Variants in BCHE observed in about 807,000 individuals in gnomAD.
BCHE encodes cholinesterase.
In BCHE, 48 loss-of-function variants were observed where a neutral mutation model predicts 51.3. The observed-to-expected ratio is 0.94, with a 90% CI of 0.74 to 1.19. The LOEUF (loss-of-function observed/expected upper bound fraction) is 1.19, where lower values mean the gene tolerates loss of function less well. BCHE is among the 50% of genes most tolerant of loss of function. The probability of loss-of-function intolerance (pLI) is 0.00; values close to 1 mark genes in which losing one functional copy is unlikely to be tolerated. For synonymous variants in BCHE, 251 were observed against 238.0 expected (o/e 1.05, Z -0.50); for missense variants, 847 against 708.2 (o/e 1.20, Z -2.23).
intron 2 of BCHE, among the ~76,000 whole-genome samples, chr3:165,804,888 A>G (rs1713815555): frequency 6.6e-6 from 1 of 152,224 alleles, no homozygotes; most frequent in Non-Finnish European, 1.5e-5. Context: ...ATTTAAACAT[A>G]AACAAGGTTG....
rs372501615 is a variant in BCHE, at chr3:165,791,845, G to C, written c.1518-5534C>G. ...TGCCTGTGATCCCAGCTACTCGGGA[G>C]GCTGAGGCAGGAGAATGGCTTGAAC... On this transcript the variant is annotated intron_variant, in intron 2 of 3. Transcript: ENST00000264381. 9.9e-5 allele frequency among the ~76,000 whole-genome samples: 15 copies of C among 152,184 alleles called. No homozygotes were observed. The East Asian group carries it at 1.4e-3, about 14-fold the overall frequency.
chr3:165,804,248 T>A (rs1445508242), intron 2 of BCHE, among the ~76,000 whole-genome samples: 1 of 152,114 alleles, frequency 6.6e-6, no homozygotes, highest in African/African-American at 2.4e-5. Flanking sequence ...ATAGTTTAAA[T>A]ATAGAATGAG....
chr3:165,825,727 G>A (rs554097220), intron 2 of BCHE, among the ~76,000 whole-genome samples: 27 of 151,674 alleles, frequency 1.8e-4, no homozygotes, highest in Middle Eastern at 3.4e-3. Flanking sequence ...AACAGGCCCC[G>A]GTGTGTGATG....
intron 2 of BCHE, among the ~76,000 whole-genome samples, chr3:165,827,661 C>T (rs957399333): frequency 6.6e-6 from 1 of 151,768 alleles, no homozygotes; most frequent in Non-Finnish European, 1.5e-5. Context: ...CAAAAATCAT[C>T]CTTAAATCCT....
chr3:165,808,070 G>T (rs572873782), intron 2 of BCHE, among the ~76,000 whole-genome samples: 1 of 151,906 alleles, frequency 6.6e-6, no homozygotes, highest in East Asian at 2.0e-4. Context: ...TGCAAACTCC[G>T]CCTCAAGAGT....
At chr3:165,803,547 A>G (rs1358564063) in intron 2 of BCHE, among the ~76,000 whole-genome samples, 1 of 152,236 alleles carries the variant, frequency 6.6e-6, no homozygotes, top group Non-Finnish European at 1.5e-5. Flanking sequence ...TATATTTCTT[A>G]CTATTCTAAA....
intron 2 of BCHE, among the ~76,000 whole-genome samples, chr3:165,814,321 T>A (rs1714223444): frequency 6.6e-6 from 1 of 152,094 alleles, no homozygotes; most frequent in Admixed American, 6.6e-5. Context: ...ATTCTCCAGA[T>A]GTTACCATTT....
At chr3:165,808,679 G>C (rs1011521859) in intron 2 of BCHE, among the ~76,000 whole-genome samples, 2 of 152,010 alleles carry the variant, frequency 1.3e-5, no homozygotes, top group African/African-American at 4.8e-5. Context: ...TGAGAGGATT[G>C]TTTGAGCTCT....
At chr3:165,807,248 G>A (rs1576854565) in intron 2 of BCHE, among the ~76,000 whole-genome samples, 2 of 151,708 alleles carry the variant, frequency 1.3e-5, no homozygotes, top group East Asian at 3.9e-4. Context: ...TATAATGTTT[G>A]TCTACCTTTC....
At chr3:165,814,380 C>G (rs1714225149) in intron 2 of BCHE, among the ~76,000 whole-genome samples, 1 of 151,946 alleles carries the variant, frequency 6.6e-6, no homozygotes, top group South Asian at 2.1e-4. Context: ...AAAATAAATG[C>G]AAATACATAG....
At chr3:165,836,178 G>A (rs1715183423) in intron 1 of BCHE, among the ~76,000 whole-genome samples, 1 of 151,770 alleles carries the variant, frequency 6.6e-6, no homozygotes. Flanking sequence ...ACAGAACTTT[G>A]ATAACCCAAT....
rs773199170 is a variant in BCHE, at chr3:165,830,254, C to T, written c.780G>A (p.Ala260=). The part of the protein sequence containing the change: ...LQSGSFNAPW[A]VTSLYEARNR... The stretch of plus-strand genomic sequence containing the variant: ...TCCTAGCTTCATAAAGAGATGTTAC[C>T]GCCCAAGGAGCATTAAAGGATCCAC... Residue 260 remains alanine (A), a synonymous_variant, in exon 2 of 4, where the codon GCG becomes GCA. Transcript: ENST00000264381. 49 of 1,613,782 alleles carry T rather than the reference C, an allele frequency of 3.0e-5. No homozygotes were observed. In the Admixed American group the frequency reaches 5.8e-4, roughly 19 times the overall value.
rs1463777391 is a variant in BCHE at position 165,830,239 on chromosome 3, A to G, written c.795T>C (p.Tyr265=). The change falls in exon 2 of 4, where the codon TAT becomes TAC. Residue 265 remains tyrosine, a synonymous_variant. Coordinates refer to ENST00000264381, the MANE Select transcript of BCHE (RefSeq NM_000055.4). ...FNAPWAVTSL[Y]EARNRTLNLA... ...AGTTCAACGTTCTGTTCCTAGCTTC[A>G]TAAAGAGATGTTACCGCCCAAGGAG... 1 of 1,614,066 alleles carries G rather than the reference A, an allele frequency of 6.2e-7. No homozygotes were observed. Among genetic ancestry groups the G allele is most frequent in the South Asian group, 1.1e-5 (1 of 91,086 alleles).
In BCHE at chr3:165,773,285, C is replaced by A; in HGVS notation, c.*97G>T. 1 of 1,196,770 alleles carries A rather than the reference C, an allele frequency of 8.4e-7. No homozygotes were observed. Among genetic ancestry groups the A allele is most frequent in the East Asian group, 2.5e-5 (1 of 39,916 alleles). The allele number at this position is 1,196,770 out of a possible 1,614,324, so 74.1% of individuals were successfully genotyped here. On this transcript the variant is annotated 3_prime_UTR_variant, in exon 4 of 4. Transcript: ENST00000264381. ...TATCCTTCTGGCATTTTTGTTTCAG[C>A]TACATAATAACTTTTTTAGTAGGTG... is the stretch of plus-strand genomic sequence containing the variant.
intron 1 of BCHE, among the ~76,000 whole-genome samples, chr3:165,832,828 A>T (rs1174130498): frequency 6.6e-6 from 1 of 152,144 alleles, no homozygotes; most frequent in East Asian, 1.9e-4. Context: ...AAAGAAAGAG[A>T]ATAAATAACT....
intron 2 of BCHE, among the ~76,000 whole-genome samples, chr3:165,806,104 A>G (rs1466674822): frequency 6.6e-6 from 1 of 152,040 alleles, no homozygotes; most frequent in Non-Finnish European, 1.5e-5. Flanking sequence ...TGATTTTTCT[A>G]AAATTCAAAT....
chr3:165,834,337 G>A (rs1365432501), intron 1 of BCHE, among the ~76,000 whole-genome samples: 1 of 151,924 alleles, frequency 6.6e-6, no homozygotes, highest in African/African-American at 2.4e-5. Flanking sequence ...TGATATCTGA[G>A]TTATCAACTT....
intron 3 of BCHE, among the ~76,000 whole-genome samples, chr3:165,781,235 G>C (rs549910088): frequency 1.3e-5 from 2 of 152,084 alleles, no homozygotes; most frequent in East Asian, 3.9e-4. Context: ...TAGGCAACAA[G>C]AGTGAAACTT....
In BCHE at chr3:165,830,748, T is replaced by G. The variant is rs1322846246; in HGVS notation, c.286A>C (p.Asn96His). The change falls in exon 2 of 4, where the codon AAC becomes CAC. Residue 96 changes from asparagine to histidine, a missense_variant. Asn to His is a moderately conservative substitution (Grantham distance 68). Transcript: ENST00000264381. ...ATKYANSCCQNIDQSFPGFHG... is the reference protein window; with the variant it reads ...ATKYANSCCQHIDQSFPGFHG... ...AAGCCTGGAAAACTTTGATCTATGT[T>G]CTGACAGCAAGAATTTGCATATTTT... 1 of 1,613,892 alleles carries G rather than the reference T, an allele frequency of 6.2e-7. No homozygotes were observed. Among genetic ancestry groups the G allele is most frequent in the Non-Finnish European group, 8.5e-7 (1 of 1,179,910 alleles).
Sources: allele counts gnomAD v4.1 joint callset (sites outside exome capture counted in the v4.1 genomes callset), GRCh38; gene constraint gnomAD v4.1.1; transcripts MANE v1.5; gene names NCBI Gene and HGNC (gene_info 2026-07-23, HGNC 2026-07-21).